CAVIN4: variants seen among roughly 807,000 people sequenced by gnomAD.
CAVIN4 encodes caveolae associated protein 4, also known as caveolae-associated protein 4.
In CAVIN4, 10 loss-of-function variants were observed where a neutral mutation model predicts 18.6. The ratio of observed to expected loss-of-function variants is 0.54; its 90% CI spans 0.33 to 0.91. The LOEUF (loss-of-function observed/expected upper bound fraction) is 0.91, where lower values mean the gene tolerates loss of function less well. Among genes scored for constraint, CAVIN4 ranks in the 40% least tolerant of loss-of-function variants. The pLI is 0.02. For missense variants in CAVIN4, 459 were observed against 440.5 expected, an observed-to-expected ratio of 1.04 and a Z score of -0.38; for synonymous variants, 173 against 164.8, an observed-to-expected ratio of 1.05 and a Z score of -0.38.
intron 1 of CAVIN4, among the ~76,000 whole-genome samples, chr9:100,583,347 C>G (rs1276881657): frequency 6.6e-6 from 1 of 152,174 alleles, no homozygotes. Context: ...TTCATCTGCT[C>G]AGGCCATGTA....
intron 1 of CAVIN4, among the ~76,000 whole-genome samples, chr9:100,585,431 A>G (rs569855494): frequency 4.3e-4 from 66 of 152,344 alleles, no homozygotes; most frequent in African/African-American, 1.5e-3. Flanking sequence ...GCTAAGTTCA[A>G]GATGACTGTG....
intron 1 of CAVIN4, among the ~76,000 whole-genome samples, chr9:100,580,445 G>A (rs1308228842): frequency 6.6e-6 from 1 of 152,224 alleles, no homozygotes; most frequent in Admixed American, 6.5e-5. Flanking sequence ...CCCTCCACTG[G>A]CATGGGCGCA....
At chr9:100,585,694 G>A in intron 1 of CAVIN4, 71 bp from the exon 2 acceptor site, 1 of 1,197,360 alleles carries the variant, frequency 8.4e-7, no homozygotes, top group Non-Finnish European at 1.2e-6. Flanking sequence ...ACAAGGCATG[G>A]CCAGAAGGTA....
In CAVIN4 at chr9:100,585,774, C is replaced by T. The variant is rs745743737; in HGVS notation, c.418C>T (p.Arg140Trp). 1.4e-5 allele frequency: 23 copies of T among 1,613,710 alleles called. No homozygotes were observed. Among genetic ancestry groups the T allele is most frequent in the East Asian group, 6.7e-5 (3 of 44,872 alleles). Residue 140 changes from arginine to tryptophan, a missense_variant, in exon 2 of 2, where the codon CGG becomes TGG. Physicochemically the swap from Arg to Trp is moderately radical, Grantham distance 101 (BLOSUM62 -3). Coordinates refer to ENST00000307584, the MANE Select transcript of CAVIN4 (RefSeq NM_001018116.2). Reference protein sequence around the residue: ...FRVVIFQEKFRCPTSLSVVKD... With the variant: ...FRVVIFQEKFWCPTSLSVVKD... ...TTTTTCTCTCCTTCAGGAGAAGTTT[C>T]GGTGTCCGACATCCCTGTCTGTTGT...
At chr9:100,583,923 G>T (rs552532717) in intron 1 of CAVIN4, among the ~76,000 whole-genome samples, 1 of 152,332 alleles carries the variant, frequency 6.6e-6, no homozygotes, top group East Asian at 1.9e-4. Context: ...GGGATTACAG[G>T]TGTGAGCCAC....
intron 1 of CAVIN4, among the ~76,000 whole-genome samples, chr9:100,582,592 C>T (rs1003988736): frequency 1.8e-4 from 27 of 152,112 alleles, no homozygotes; most frequent in African/African-American, 5.8e-4. Flanking sequence ...CTCAGCCTCC[C>T]AAAATGTTGG....
chr9:100,578,844 A>G (rs992631859), intron 1 of CAVIN4, among the ~76,000 whole-genome samples: 1 of 152,250 alleles, frequency 6.6e-6, no homozygotes, highest in African/African-American at 2.4e-5. Context: ...CTTTCAGCAT[A>G]TTAGCCTTAT....
rs1384274773 is a variant in CAVIN4 at position 100,586,640 on chromosome 9, C to T, written c.*189C>T. Reference sequence around the variant, plus strand: ...CATGGCAGCTGTGGATTTTTTAGTTCCTTTCTCTTGTCCACCAGAAAAATA... The same window carrying T: ...CATGGCAGCTGTGGATTTTTTAGTTTCTTTCTCTTGTCCACCAGAAAAATA... On this transcript the variant is annotated 3_prime_UTR_variant, in exon 2 of 2. Coordinates refer to ENST00000307584, the MANE Select transcript of CAVIN4 (RefSeq NM_001018116.2). The T allele has an allele frequency of 2.2e-6, 1 of 448,742 alleles. No individual in the cohort carries two copies. The highest frequency in any genetic ancestry group is 3.8e-6 in the Non-Finnish European group (1 of 263,688). The allele number at this position is 448,742 out of a possible 1,614,324, so 27.8% of individuals were successfully genotyped here.
rs370376859 is a variant in CAVIN4 at position 100,586,257 on chromosome 9, G to A, written c.901G>A (p.Glu301Lys). 3.2e-6 allele frequency: 5 copies of A among 1,582,688 alleles called. No homozygotes were observed. Among genetic ancestry groups the A allele is most frequent in the African/African-American group, 1.4e-5 (1 of 73,856 alleles). Residue 301 changes from glutamate (E) to lysine (K), a missense_variant, in exon 2 of 2, where the codon GAG becomes AAG. Coordinates refer to ENST00000307584, the MANE Select transcript of CAVIN4 (RefSeq NM_001018116.2). ...GGGTGTGGACATCATTGCCAGGAGC[G>A]AGTCTCTGGGCCCCATCAGTGAGCT... is the stretch of plus-strand genomic sequence containing the variant. ...EMGVDIIARSESLGPISELYS... is the reference protein window; with the variant it reads ...EMGVDIIARSKSLGPISELYS...
intron 1 of CAVIN4, among the ~76,000 whole-genome samples, chr9:100,583,925 G>A (rs1009599541): frequency 2.3e-4 from 35 of 152,218 alleles, no homozygotes; most frequent in African/African-American, 8.4e-4. Context: ...GATTACAGGT[G>A]TGAGCCACTG....
Position 100,586,088 on chromosome 9 carries a change from A to G in CAVIN4, c.732A>G (p.Ser244=). ...LRQSGERLRQ[S]GERLRQSGER... ...AGTCAGGAGAGAGGCTGAGACAGTC[A>G]GGGGAGAGGCTGAGACAGTCAGGGG... Residue 244 remains serine, a synonymous_variant, in exon 2 of 2, where the codon TCA becomes TCG. Transcript: ENST00000307584. 1 of 1,611,812 alleles carries G rather than the reference A, an allele frequency of 6.2e-7. No homozygotes were observed.
chr9:100,586,268 C>A lies in CAVIN4; in HGVS notation c.912C>A (p.Gly304=), dbSNP rs1168122556. The change falls in exon 2 of 2, where the codon GGC becomes GGA. Residue 304 remains glycine, a synonymous_variant. Coordinates refer to ENST00000307584, the MANE Select transcript of CAVIN4 (RefSeq NM_001018116.2). ...TCATTGCCAGGAGCGAGTCTCTGGG[C>A]CCCATCAGTGAGCTCTACTCTGATG... ...VDIIARSESL[G]PISELYSDEL... is the part of the protein sequence containing the mutation. 2 of 1,591,728 alleles carry A rather than the reference C, an allele frequency of 1.3e-6. No homozygotes were observed. The highest frequency in any genetic ancestry group is 4.5e-5 in the East Asian group (2 of 44,600).
At chr9:100,583,259 C>T (rs757320726) in intron 1 of CAVIN4, among the ~76,000 whole-genome samples, 22 of 152,298 alleles carry the variant, frequency 1.4e-4, no homozygotes, top group African/African-American at 4.6e-4. Context: ...TCCAAGACAG[C>T]GTGTTCAGAT....
chr9:100,583,750 G>C (rs1839450566), intron 1 of CAVIN4, among the ~76,000 whole-genome samples: 1 of 151,852 alleles, frequency 6.6e-6, no homozygotes, highest in Non-Finnish European at 1.5e-5. Flanking sequence ...GGGTTCAAGT[G>C]ATTCTCTTGC....
At chr9:100,577,152 T>C (rs1839365982), upstream of CAVIN4, 1 of 152,624 alleles carries the variant, frequency 6.6e-6, no homozygotes, top group Admixed American at 6.5e-5. Flanking sequence ...TTCCTCCCTT[T>C]GAAAAAATAG....
chr9:100,586,163 T>G lies in CAVIN4; in HGVS notation c.807T>G (p.Phe269Leu). The G allele has an allele frequency of 6.4e-7, 1 of 1,565,388 alleles. No individual in the cohort carries two copies. Among genetic ancestry groups the G allele is most frequent in the Non-Finnish European group, 8.6e-7 (1 of 1,158,888 alleles). The change falls in exon 2 of 2, where the codon TTT (phenylalanine) becomes TTG (leucine). Residue 269 changes from phenylalanine to leucine, a missense_variant. By Grantham distance (22) the Phe-to-Leu change is conservative. Coordinates refer to ENST00000307584, the MANE Select transcript of CAVIN4 (RefSeq NM_001018116.2). The stretch of plus-strand genomic sequence containing the variant: ...ATGCAGCTCCCTCAAAGGAAGCTTT[T>G]AAGATGCGCAGCCTCAGGAAAGGTA... ...ISNAAPSKEAFKMRSLRKGKD... is the reference protein window; with the variant it reads ...ISNAAPSKEALKMRSLRKGKD...
In CAVIN4 at chr9:100,583,467, C is replaced by A. The variant is rs141216084; in HGVS notation, c.409-2298C>A. On this transcript the variant is annotated intron_variant, in intron 1 of 1. Transcript: ENST00000307584. ...GAATCAGACTGCTTCTCACCCCCAA[C>A]CTGTCAGCACCCTTACCCAGTGCTC... Among the ~76,000 whole-genome samples, 631 of 152,304 alleles carry A rather than the reference C, an allele frequency of 4.1e-3. 6 individuals carry two copies. Among genetic ancestry groups the A allele is most frequent in the African/African-American group, 0.014 (595 of 41,560 alleles).
At position 100,586,175 on chromosome 9, in the gene CAVIN4, C is replaced by T; in HGVS notation, c.819C>T (p.Ser273=). ...CAAAGGAAGCTTTTAAGATGCGCAG[C>T]CTCAGGAAAGGTAAGGACCGAACAG... ...APSKEAFKMR[S]LRKGKDRTVA... The change falls in exon 2 of 2, where the codon AGC becomes AGT. Residue 273 remains serine (S), a synonymous_variant. Coordinates refer to ENST00000307584, the MANE Select transcript of CAVIN4 (RefSeq NM_001018116.2). 1 of 1,561,442 alleles carries T rather than the reference C, an allele frequency of 6.4e-7. No homozygotes were observed. Among genetic ancestry groups the T allele is most frequent in the Non-Finnish European group, 8.6e-7 (1 of 1,156,940 alleles).
In CAVIN4 at chr9:100,581,754, CCTAT is replaced by C. The variant is rs1319835850; in HGVS notation, c.408+3207_408+3210del. 5.3e-5 allele frequency among the ~76,000 whole-genome samples: 8 copies of C among 152,072 alleles called. No homozygotes were observed. In the South Asian group the frequency reaches 6.2e-4, roughly 12 times the overall value. On this transcript the variant is annotated intron_variant, in intron 1 of 1. Coordinates refer to ENST00000307584, the MANE Select transcript of CAVIN4 (RefSeq NM_001018116.2). ...TTCACAGCAAGATTGTGTTTTTTCC[CCTAT>C]CTAACAGTAATTAACTTTTGGCTCT...
Sources: gnomAD v4.1 joint callset for allele counts (sites outside exome capture counted in the v4.1 genomes callset) on GRCh38, gnomAD v4.1.1 for gene constraint, MANE v1.5 for transcripts, NCBI Gene and HGNC (gene_info 2026-07-23, HGNC 2026-07-21) for gene names.